MSH3: variants seen among roughly 807,000 people sequenced by gnomAD.
MSH3 encodes the protein mutS homolog 3.
A neutral mutation model predicts 123.3 loss-of-function variants in MSH3; 106 were observed. The observed-to-expected ratio is 0.86, with a 90% confidence interval of 0.73 to 1.01. MSH3 has a LOEUF of 1.01. Ranked by LOEUF, MSH3 falls within the 50% of genes least tolerant of loss-of-function variation. The pLI is 0.00. For synonymous variants in MSH3, 515 were observed against 481.4 expected, an observed-to-expected ratio of 1.07 and a Z score of -0.91; for missense variants, 1,459 against 1,347.6, an observed-to-expected ratio of 1.08 and a Z score of -1.29.
chr5:80,656,260 A>G (rs1043677141), intron 1 of MSH3, 151 bp from the exon 2 acceptor site: 27 of 1,004,466 alleles, frequency 2.7e-5, no homozygotes, highest in Admixed American at 1.3e-4. Flanking sequence ...CAGTTCACCC[A>G]TAGGGTTTTC....
At position 80,727,882 on chromosome 5, in the gene MSH3, G is replaced by C. The variant is rs374332247; in HGVS notation, c.1454-969G>C. Among the ~76,000 whole-genome samples the C allele has an allele frequency of 1.1e-3, 163 of 152,084 alleles. 3 individuals carry two copies. Among genetic ancestry groups the C allele is most frequent in the African/African-American group, 3.6e-3 (150 of 41,426 alleles). On this transcript the variant is annotated intron_variant, in intron 9 of 23. Transcript: ENST00000265081. ...AAGGCCTCACTGAGAAACAGCACTTGAACGAAGATTTGAATAGAGACTGAA... is the reference window on the plus strand; with the variant it reads ...AAGGCCTCACTGAGAAACAGCACTTCAACGAAGATTTGAATAGAGACTGAA...
At chr5:80,686,678 T>C (rs561247585) in intron 8 of MSH3, among the ~76,000 whole-genome samples, 27 of 152,202 alleles carry the variant, frequency 1.8e-4, no homozygotes, top group African/African-American at 6.5e-4. Context: ...GTATTAAATT[T>C]GCAAGTACAA....
At chr5:80,792,695 C>A in intron 18 of MSH3, 38 bp from the exon 19 acceptor site, 1 of 1,272,932 alleles carries the variant, frequency 7.9e-7, no homozygotes, top group Non-Finnish European at 1.1e-6. Context: ...AAGGCTATTT[C>A]CATGCCTAGT....
intron 8 of MSH3, among the ~76,000 whole-genome samples, chr5:80,693,680 G>C (rs1316670259): frequency 6.6e-6 from 1 of 151,322 alleles, no homozygotes; most frequent in Non-Finnish European, 1.5e-5. Context: ...TTTTGGAGAT[G>C]GGAGTCTCAC....
intron 19 of MSH3, among the ~76,000 whole-genome samples, chr5:80,809,617 A>G (rs1243482691): frequency 6.6e-6 from 1 of 152,148 alleles, no homozygotes; most frequent in African/African-American, 2.4e-5. Flanking sequence ...CTCCTTTAAC[A>G]ATGCTGTCAC....
At chr5:80,746,917 G>A (rs1264184910) in intron 12 of MSH3, 1 of 160,588 alleles carries the variant, frequency 6.2e-6, no homozygotes, top group African/African-American at 2.4e-5. Context: ...CTCAAGACAT[G>A]GTTTGGATGA....
chr5:80,768,142 C>G (rs750422653), intron 14 of MSH3, 22 bp downstream of exon 14: 2 of 1,602,902 alleles, frequency 1.2e-6, no homozygotes, highest in African/African-American at 2.7e-5. Flanking sequence ...ACCCTGAATT[C>G]TTCCTTTTCA....
chr5:80,738,788 C>G (rs1338871228), intron 10 of MSH3, among the ~76,000 whole-genome samples: 1 of 152,180 alleles, frequency 6.6e-6, no homozygotes, highest in Non-Finnish European at 1.5e-5. Flanking sequence ...ATGTTGAAAC[C>G]TAATGACTAC....
At chr5:80,722,223 A>C (rs574128915) in intron 8 of MSH3, among the ~76,000 whole-genome samples, 11 of 152,302 alleles carry the variant, frequency 7.2e-5, no homozygotes, top group African/African-American at 2.6e-4. Flanking sequence ...AAATAGAAAA[A>C]AGCTTGCTTT....
At chr5:80,803,393 A>G (rs551929193) in intron 19 of MSH3, among the ~76,000 whole-genome samples, 5 of 151,228 alleles carry the variant, frequency 3.3e-5, no homozygotes, top group Admixed American at 3.3e-4. Context: ...GTCTATTAAG[A>G]TCTTTTGCCC....
chr5:80,699,481 C>T (rs1212082613), intron 8 of MSH3, among the ~76,000 whole-genome samples: 2 of 148,610 alleles, frequency 1.3e-5, no homozygotes, highest in Non-Finnish European at 3.0e-5. Context: ...TGGCTTGAAC[C>T]CGGGAGGTGG....
chr5:80,780,254 C>T (rs1314413577), intron 17 of MSH3, among the ~76,000 whole-genome samples: 1 of 152,142 alleles, frequency 6.6e-6, no homozygotes, highest in African/African-American at 2.4e-5. Flanking sequence ...GTCAAGCTAC[C>T]ACTGGACTGG....
chr5:80,846,832 C>T (rs1332187193), intron 20 of MSH3, among the ~76,000 whole-genome samples: 6 of 152,150 alleles, frequency 3.9e-5, no homozygotes, highest in Non-Finnish European at 8.8e-5. Flanking sequence ...TGGCTTCCCT[C>T]GGCTAGGAAA....
intron 16 of MSH3, among the ~76,000 whole-genome samples, chr5:80,776,013 C>T (rs1164643786): frequency 6.6e-6 from 1 of 152,002 alleles, no homozygotes; most frequent in East Asian, 1.9e-4. Flanking sequence ...CCTCAGCCTC[C>T]CGAGTAGCTG....
intron 8 of MSH3, among the ~76,000 whole-genome samples, chr5:80,724,129 GT>G (rs1293276230): frequency 6.6e-6 from 1 of 152,086 alleles, no homozygotes; most frequent in Non-Finnish European, 1.5e-5. Context: ...TGTAACTAAA[GT>G]TTTATATTTT....
intron 16 of MSH3, among the ~76,000 whole-genome samples, chr5:80,776,896 A>G (rs1045650783): frequency 6.8e-6 from 1 of 147,026 alleles, no homozygotes; most frequent in African/African-American, 2.5e-5. Context: ...ACATATATAC[A>G]AAAAATATAA....
chr5:80,683,727 T>C (rs1173682857), intron 8 of MSH3, among the ~76,000 whole-genome samples: 5 of 152,178 alleles, frequency 3.3e-5, no homozygotes, highest in Admixed American at 2.0e-4. Flanking sequence ...TTTGTCCATC[T>C]TTGCTTTGGT....
chr5:80,789,395 G>A (rs891185881), intron 18 of MSH3, among the ~76,000 whole-genome samples: 3 of 145,670 alleles, frequency 2.1e-5, no homozygotes, highest in African/African-American at 7.7e-5. Context: ...TCCTGAGACA[G>A]AGTCTCACTC....
chr5:80,675,971 T>A (rs1023715339), intron 7 of MSH3, among the ~76,000 whole-genome samples: 2 of 152,224 alleles, frequency 1.3e-5, no homozygotes, highest in African/African-American at 4.8e-5. Flanking sequence ...CATACTAAAT[T>A]AATATTAGGA....
Sources: gnomAD v4.1 joint callset for allele counts (sites outside exome capture counted in the v4.1 genomes callset) on GRCh38, gnomAD v4.1.1 for gene constraint, MANE v1.5 for transcripts, NCBI Gene and HGNC (gene_info 2026-07-23, HGNC 2026-07-21) for gene names.